FNDC3B: variants seen among roughly 807,000 people sequenced by gnomAD.
FNDC3B encodes fibronectin type III domain containing 3B, also known as fibronectin type III domain-containing protein 3B.
In FNDC3B, 12 loss-of-function variants were observed where a neutral mutation model predicts 151.5. The ratio of observed to expected loss-of-function variants is 0.08; its 90% CI spans 0.05 to 0.13. The LOEUF (loss-of-function observed/expected upper bound fraction) is 0.13, where lower values mean the gene tolerates loss of function less well. Ranked by LOEUF, FNDC3B falls within the 10% of genes least tolerant of loss-of-function variation. The pLI, the probability that FNDC3B is intolerant of heterozygous loss-of-function variation, is 1.00. For missense variants in FNDC3B, 1,214 were observed against 1,505.3 expected (o/e 0.81, Z 3.20); for synonymous variants, 528 against 549.0 (o/e 0.96, Z 0.54).
chr3:172,307,546 G>A, intron 10 of FNDC3B, 45 bp downstream of exon 10: 2 of 1,607,278 alleles, frequency 1.2e-6, no homozygotes, highest in Non-Finnish European at 1.7e-6. Flanking sequence ...TTAAAAATTA[G>A]CCAGGTGTGG....
chr3:172,061,530 C>T (rs1391937156), intron 1 of FNDC3B, among the ~76,000 whole-genome samples: 1 of 152,134 alleles, frequency 6.6e-6, no homozygotes, highest in Non-Finnish European at 1.5e-5. Context: ...CCACACCCAG[C>T]CTACTTTTTA....
At chr3:172,188,075 A>T (rs1172212254) in intron 3 of FNDC3B, among the ~76,000 whole-genome samples, 2 of 148,928 alleles carry the variant, frequency 1.3e-5, no homozygotes, top group African/African-American at 2.5e-5. Flanking sequence ...GGCTCACTGC[A>T]ACCTCCGCCT....
At chr3:172,257,906 T>G (rs1022664737) in intron 6 of FNDC3B, among the ~76,000 whole-genome samples, 1 of 152,060 alleles carries the variant, frequency 6.6e-6, no homozygotes, top group African/African-American at 2.4e-5. Context: ...GCTCTTTGAG[T>G]GCCAAGCAAT....
At chr3:172,122,126 A>C (rs1461867519) in intron 2 of FNDC3B, among the ~76,000 whole-genome samples, 2 of 152,254 alleles carry the variant, frequency 1.3e-5, no homozygotes, top group Non-Finnish European at 2.9e-5. Flanking sequence ...GTTTTCATGT[A>C]GGCAGACTCT....
chr3:172,173,606 G>A (rs542411378), intron 3 of FNDC3B, among the ~76,000 whole-genome samples: 1 of 146,480 alleles, frequency 6.8e-6, no homozygotes, highest in African/African-American at 2.5e-5. Context: ...ACCAGCCTGG[G>A]CAACATAATG....
At chr3:172,102,643 G>A (rs1286497068) in intron 1 of FNDC3B, among the ~76,000 whole-genome samples, 1 of 152,134 alleles carries the variant, frequency 6.6e-6, no homozygotes, top group African/African-American at 2.4e-5. Context: ...AAAAGCAGTG[G>A]GACCTGTCAA....
intron 17 of FNDC3B, among the ~76,000 whole-genome samples, chr3:172,342,547 A>G (rs1392651744): frequency 6.6e-6 from 1 of 152,200 alleles, no homozygotes; most frequent in African/African-American, 2.4e-5. Flanking sequence ...CATTAACAGT[A>G]CCTGCTGGTT....
intron 4 of FNDC3B, among the ~76,000 whole-genome samples, chr3:172,239,395 T>C (rs570730578): frequency 2.1e-4 from 32 of 152,314 alleles, no homozygotes; most frequent in Non-Finnish European, 4.3e-4. Flanking sequence ...ACTTTAGGCA[T>C]GTTGGCAGCA....
At chr3:172,255,145 C>T (rs1410252286) in intron 6 of FNDC3B, among the ~76,000 whole-genome samples, 1 of 152,186 alleles carries the variant, frequency 6.6e-6, no homozygotes, top group African/African-American at 2.4e-5. Flanking sequence ...GCTCCATTCC[C>T]CTCACCCCAG....
intron 2 of FNDC3B, among the ~76,000 whole-genome samples, chr3:172,113,441 C>T (rs947988295): frequency 1.6e-4 from 24 of 152,280 alleles, no homozygotes; most frequent in African/African-American, 5.5e-4. Context: ...CTCTGTCTAT[C>T]GTAGTATATT....
At chr3:172,150,182 A>T (rs892465346) in intron 3 of FNDC3B, among the ~76,000 whole-genome samples, 9 of 152,086 alleles carry the variant, frequency 5.9e-5, no homozygotes, top group Non-Finnish European at 1.0e-4. Flanking sequence ...AGAGATTTTT[A>T]AAAAATACTG....
intron 11 of FNDC3B, 108 bp downstream of exon 11, chr3:172,310,989 G>T: frequency 1.2e-6 from 1 of 803,964 alleles, no homozygotes; most frequent in Admixed American, 2.1e-5. Context: ...ACAGAAAAAA[G>T]GAATGCTAGT....
intron 11 of FNDC3B, among the ~76,000 whole-genome samples, chr3:172,313,036 T>C (rs544595264): frequency 6.6e-6 from 1 of 152,286 alleles, no homozygotes; most frequent in East Asian, 1.9e-4. Context: ...TTCCAGCTTT[T>C]CCTCTCACTT....
rs1195398140 is a variant in FNDC3B at position 172,399,769 on chromosome 3, G to A, written c.*2294G>A. On this transcript the variant is annotated 3_prime_UTR_variant, in exon 26 of 26. Transcript: ENST00000415807. ...TGAGTACAAAGCCCCCTCTTGGGGG[G>A]TTGGGGAAGTCTCTTTTTTGAAACA... The A allele has an allele frequency of 1.3e-5, 2 of 152,586 alleles. No homozygotes were observed. The highest frequency in any genetic ancestry group is 2.1e-4 in the South Asian group (1 of 4,836). 9.5% of individuals were successfully genotyped at this position (152,586 alleles called of 1,614,324 possible).
At chr3:172,222,135 T>C (rs1376525523) in intron 3 of FNDC3B, among the ~76,000 whole-genome samples, 3 of 152,236 alleles carry the variant, frequency 2.0e-5, no homozygotes, top group Non-Finnish European at 4.4e-5. Context: ...AAAAATGTGA[T>C]CTATTGCAGC....
At chr3:172,070,809 C>G in intron 1 of FNDC3B, among the ~76,000 whole-genome samples, 1 of 152,204 alleles carries the variant, frequency 6.6e-6, no homozygotes, top group Non-Finnish European at 1.5e-5. Context: ...CGTTTTCATT[C>G]TCTGCTCCTT....
intron 2 of FNDC3B, among the ~76,000 whole-genome samples, chr3:172,129,130 G>T (rs564709461): frequency 6.6e-6 from 1 of 152,052 alleles, no homozygotes; most frequent in Non-Finnish European, 1.5e-5. Flanking sequence ...CACCATGTCC[G>T]GCTAATTTTT....
chr3:172,112,739 G>A (rs540386417), intron 2 of FNDC3B, 149 bp downstream of exon 2: 7 of 640,508 alleles, frequency 1.1e-5, no homozygotes, highest in Admixed American at 5.2e-5. Flanking sequence ...ATACTGTATC[G>A]TTTTTTAAAA....
At chr3:172,295,294 G>A in intron 7 of FNDC3B, 69 bp from the exon 8 acceptor site, 3 of 1,438,928 alleles carry the variant, frequency 2.1e-6, no homozygotes, top group South Asian at 2.5e-5. Flanking sequence ...CCAGTTTTAT[G>A]CCACTACTAA....
Sources: allele counts gnomAD v4.1 joint callset (sites outside exome capture counted in the v4.1 genomes callset), GRCh38; gene constraint gnomAD v4.1.1; transcripts MANE v1.5; gene names NCBI Gene and HGNC (gene_info 2026-07-23, HGNC 2026-07-21).